Variants in EIF2B3 observed in about 807,000 individuals in gnomAD.
The protein encoded by EIF2B3 is eukaryotic translation initiation factor 2B subunit gamma, also known as translation initiation factor eIF2B subunit gamma.
EIF2B3 carries 20 observed loss-of-function variants against 54.1 expected under a neutral mutation model. The observed-to-expected ratio is 0.37, with a 90% confidence interval of 0.26 to 0.54. The LOEUF (loss-of-function observed/expected upper bound fraction) is 0.54. Among genes scored for constraint, EIF2B3 ranks in the 20% least tolerant of loss-of-function variants. The pLI, the probability that EIF2B3 is intolerant of heterozygous loss-of-function variation, is 0.86. For synonymous variants in EIF2B3, 153 were observed against 188.1 expected (o/e 0.81, Z 1.52); for missense variants, 448 against 547.8 (o/e 0.82, Z 1.82).
chr1:44,886,125 G>A (rs564575610), intron 6 of EIF2B3, among the ~76,000 whole-genome samples: 11 of 149,510 alleles, frequency 7.4e-5, no homozygotes, highest in East Asian at 4.0e-4. Flanking sequence ...ATAGAGTCTC[G>A]CTGGAATGCA....
chr1:44,862,217 A>T (rs1654630439), intron 10 of EIF2B3, among the ~76,000 whole-genome samples: 1 of 152,146 alleles, frequency 6.6e-6, no homozygotes, highest in African/African-American at 2.4e-5. Context: ...GGCACGAAGC[A>T]CTCCGCTGTG....
chr1:44,860,698 G>C (rs776892816), intron 10 of EIF2B3, among the ~76,000 whole-genome samples: 5 of 152,202 alleles, frequency 3.3e-5, no homozygotes, highest in Non-Finnish European at 7.3e-5. Flanking sequence ...ATTCTGAGCT[G>C]ATATGGCTCA....
intron 3 of EIF2B3, among the ~76,000 whole-genome samples, chr1:44,951,920 T>G (rs1644165936): frequency 6.8e-6 from 1 of 146,166 alleles, no homozygotes; most frequent in Non-Finnish European, 1.5e-5. Flanking sequence ...CCCGAGTAGC[T>G]GGGATTACAG....
At chr1:44,931,070 C>T (rs370710313) in intron 4 of EIF2B3, among the ~76,000 whole-genome samples, 71 of 152,286 alleles carry the variant, frequency 4.7e-4, no homozygotes, top group African/African-American at 7.5e-4. Flanking sequence ...ACCAACAGAA[C>T]GTGGCAAAGG....
At chr1:44,860,268 G>GC (rs905943189) in intron 10 of EIF2B3, among the ~76,000 whole-genome samples, 30 of 152,228 alleles carry the variant, frequency 2.0e-4, no homozygotes, top group African/African-American at 7.0e-4. Context: ...TCCTGCTTCA[G>GC]CCCCCCAAGT....
chr1:44,863,052 T>C (rs1654663873), intron 10 of EIF2B3: 1 of 152,378 alleles, frequency 6.6e-6, no homozygotes. Flanking sequence ...GCTTCAGATA[T>C]TGACTTAGAG....
chr1:44,897,448 C>T lies in EIF2B3; in HGVS notation c.567-4G>A, dbSNP rs769495814. ...GTGGAAACGTATTCTAGGATGCCTG[C>T]AAAAAAATAAAAAATAAAAGAAAGA... On this transcript the variant is annotated splice_polypyrimidine_tract_variant and splice_region_variant and intron_variant, in intron 5 of 11. Transcript: ENST00000360403. 24 of 1,601,876 alleles carry T rather than the reference C, an allele frequency of 1.5e-5. No individual in the cohort carries two copies. Among genetic ancestry groups the T allele is most frequent in the Non-Finnish European group, 2.0e-5 (24 of 1,173,556 alleles).
intron 4 of EIF2B3, among the ~76,000 whole-genome samples, chr1:44,934,342 G>A (rs1643924012): frequency 6.6e-6 from 1 of 152,250 alleles, no homozygotes; most frequent in African/African-American, 2.4e-5. Flanking sequence ...AGGTTGCAGT[G>A]AGCCAAGATT....
chr1:44,934,662 GC>G (rs1199988195), intron 4 of EIF2B3, among the ~76,000 whole-genome samples: 2 of 151,648 alleles, frequency 1.3e-5, no homozygotes, highest in African/African-American at 4.8e-5. Context: ...CCACCACCAC[GC>G]CCAGCTAATT....
intron 8 of EIF2B3, among the ~76,000 whole-genome samples, chr1:44,877,394 C>A (rs1484772379): frequency 6.6e-6 from 1 of 151,962 alleles, no homozygotes; most frequent in Non-Finnish European, 1.5e-5. Flanking sequence ...GAATGCTCCT[C>A]CTTGAAAGTA....
chr1:44,886,658 C>G (rs78471902), intron 6 of EIF2B3, among the ~76,000 whole-genome samples: 166 of 152,358 alleles, frequency 1.1e-3, no homozygotes, highest in African/African-American at 3.9e-3. Flanking sequence ...CCAATCCCAG[C>G]AGCCATAATT....
chr1:44,853,593 T>C (rs6688465), intron 11 of EIF2B3, among the ~76,000 whole-genome samples: 65,394 of 151,778 alleles, frequency 0.43, 14,951 homozygotes, highest in African/African-American at 0.59. Flanking sequence ...GGTGACAGAG[T>C]AAGACCCTGT....
At chr1:44,942,513 G>A (rs572032853) in intron 3 of EIF2B3, among the ~76,000 whole-genome samples, 5 of 136,146 alleles carry the variant, frequency 3.7e-5, no homozygotes, top group East Asian at 2.4e-4. Flanking sequence ...CTGCAGCCTC[G>A]ACCTGCCAGG....
chr1:44,914,801 G>C (rs1643589239), intron 5 of EIF2B3, among the ~76,000 whole-genome samples: 2 of 152,044 alleles, frequency 1.3e-5, no homozygotes, highest in African/African-American at 2.4e-5. Context: ...ACATTCTCCT[G>C]CCTCAGCCTC....
chr1:44,873,635 T>A (rs780092163), intron 10 of EIF2B3, among the ~76,000 whole-genome samples: 2 of 151,934 alleles, frequency 1.3e-5, no homozygotes, highest in African/African-American at 4.8e-5. Context: ...GTGTTTTATT[T>A]TTTATTTATT....
intron 3 of EIF2B3, among the ~76,000 whole-genome samples, chr1:44,956,304 A>G (rs1345543936): frequency 1.3e-5 from 2 of 152,152 alleles, no homozygotes; most frequent in Non-Finnish European, 2.9e-5. Context: ...CATAAGTGGG[A>G]GTTGAACAAT....
rs1292740512 is a variant in EIF2B3, at chr1:44,978,332, T to C, written c.277A>G (p.Ile93Val). Residue 93 changes from isoleucine to valine, a missense_variant, in exon 3 of 12, where the codon ATA becomes GTA. Ile to Val is a conservative substitution (Grantham distance 29). Coordinates refer to ENST00000360403, the MANE Select transcript of EIF2B3 (RefSeq NM_020365.5). ...DMGTADSLRY[I>V]YPKLKTDVLV... The stretch of plus-strand genomic sequence containing the variant: ...CTTTTCACCTTAAGTTTTGGATATA[T>C]GTAGCGCAAAGAATCTGCAGTTCCC... 4.3e-6 allele frequency: 7 copies of C among 1,613,990 alleles called. No homozygotes were observed. In the Admixed American group the frequency reaches 1.0e-4, roughly 23 times the overall value.
At chr1:44,922,353 G>A (rs930395232) in intron 5 of EIF2B3, among the ~76,000 whole-genome samples, 2 of 151,472 alleles carry the variant, frequency 1.3e-5, no homozygotes, top group African/African-American at 2.4e-5. Flanking sequence ...TTGGGAGGCC[G>A]AGGCGGGAGG....
intron 4 of EIF2B3, among the ~76,000 whole-genome samples, chr1:44,934,847 G>A: frequency 6.6e-6 from 1 of 152,128 alleles, no homozygotes; most frequent in East Asian, 1.9e-4. Context: ...AGACTGAGAG[G>A]AGAAAATAGT....
Sources: gnomAD v4.1 joint callset for allele counts (sites outside exome capture counted in the v4.1 genomes callset) on GRCh38, gnomAD v4.1.1 for gene constraint, MANE v1.5 for transcripts, NCBI Gene and HGNC (gene_info 2026-07-23, HGNC 2026-07-21) for gene names.